DSCC1: variants seen among roughly 807,000 people sequenced by gnomAD.
DSCC1 encodes sister chromatid cohesion protein DCC1.
In DSCC1, 32 loss-of-function variants were observed where a neutral mutation model predicts 48.2. The observed-to-expected ratio is 0.66, with a 90% CI of 0.50 to 0.89. The LOEUF is 0.89. Among genes scored for constraint, DSCC1 ranks in the 40% least tolerant of loss-of-function variants. The probability of loss-of-function intolerance (pLI) is 0.00; values close to 1 mark genes in which losing one functional copy is unlikely to be tolerated. For synonymous variants in DSCC1, 150 were observed against 171.5 expected (o/e 0.87, Z 0.98); for missense variants, 421 against 471.7 (o/e 0.89, Z 1.00).
chr8:119,850,480 T>TTC lies in DSCC1; in HGVS notation c.386_387dup (p.Arg130GlufsTer7). The TTC allele has an allele frequency of 6.3e-7, 1 of 1,588,534 alleles. No homozygotes were observed. Among genetic ancestry groups the TTC allele is most frequent in the Non-Finnish European group, 8.5e-7 (1 of 1,170,526 alleles). ...AGCTTCTTTAACTTGGGTCTACGTCTTCTTAATTCCCAATAATTATTAGAA... is the reference window on the plus strand; with the variant it reads ...AGCTTCTTTAACTTGGGTCTACGTCTTCTCTTAATTCCCAATAATTATTAGAA... On this transcript the variant is annotated frameshift_variant, in exon 3 of 9. Transcript: ENST00000313655. LOFTEE classifies it high-confidence loss of function.
intron 8 of DSCC1, among the ~76,000 whole-genome samples, chr8:119,837,551 G>A (rs781256766): frequency 2.6e-5 from 4 of 152,224 alleles, no homozygotes; most frequent in Non-Finnish European, 5.9e-5. Flanking sequence ...CCTGGTGAGG[G>A]GCCGTTGTAA....
intron 7 of DSCC1, 31 bp from the exon 8 acceptor site, chr8:119,838,438 A>T: frequency 6.5e-7 from 1 of 1,536,688 alleles, no homozygotes; most frequent in Non-Finnish European, 8.7e-7. Context: ...CAGAGCAGTT[A>T]AAGTAATGTT....
intron 2 of DSCC1, among the ~76,000 whole-genome samples, chr8:119,852,170 C>G (rs1461054665): frequency 1.3e-5 from 2 of 152,064 alleles, no homozygotes; most frequent in Non-Finnish European, 2.9e-5. Flanking sequence ...AAGGGCTATG[C>G]TTGGATTGTT....
chr8:119,844,035 C>T (rs1826814330), intron 4 of DSCC1, among the ~76,000 whole-genome samples: 1 of 152,118 alleles, frequency 6.6e-6, no homozygotes, highest in African/African-American at 2.4e-5. Context: ...CCTCAGCCTC[C>T]CAAAGTGCTG....
chr8:119,841,279 A>G lies in DSCC1; in HGVS notation c.924+515T>C, dbSNP rs111778646. Among the ~76,000 whole-genome samples the G allele has an allele frequency of 3.2e-3, 485 of 152,252 alleles. 3 individuals carry two copies. Among genetic ancestry groups the G allele is most frequent in the African/African-American group, 0.011 (455 of 41,554 alleles). On this transcript the variant is annotated intron_variant, in intron 7 of 8. Transcript: ENST00000313655. ...AGTGCTGGGATTACAGGCGTGAGCT[A>G]CCGCACTTGGTCTGACTGGCATTTT...
intron 3 of DSCC1, among the ~76,000 whole-genome samples, chr8:119,849,726 T>C (rs6469854): frequency 0.67 from 102,415 of 152,062 alleles, 35,479 homozygotes; most frequent in African/African-American, 0.83. Context: ...TTCAATTGCA[T>C]ACTTTAAAAC....
At chr8:119,836,498 T>C (rs1192709145) in intron 8 of DSCC1, among the ~76,000 whole-genome samples, 6 of 152,136 alleles carry the variant, frequency 3.9e-5, no homozygotes, top group Admixed American at 2.0e-4. Context: ...GGTTTGCTCA[T>C]AGTTTGAACC....
At chr8:119,845,056 TTTATTTATTTA>T (rs1291058131) in intron 4 of DSCC1, among the ~76,000 whole-genome samples, 4 of 2,650 alleles carry the variant, frequency 1.5e-3, no homozygotes, top group African/African-American at 2.2e-3. Flanking sequence ...TGCCATTTTA[TTTATTTATTTA>T]TTTATTTATT....
chr8:119,846,086 A>C (rs1407400003), intron 4 of DSCC1, among the ~76,000 whole-genome samples: 2 of 152,034 alleles, frequency 1.3e-5, no homozygotes, highest in African/African-American at 4.8e-5. Context: ...TAAAAAATAA[A>C]AGATTAGACT....
At chr8:119,849,321 A>G (rs1279728124) in intron 3 of DSCC1, among the ~76,000 whole-genome samples, 1 of 146,648 alleles carries the variant, frequency 6.8e-6, no homozygotes. Context: ...CAGGAGAATC[A>G]CTTGAACCCA....
chr8:119,842,077 A>T, intron 6 of DSCC1, 129 bp from the exon 7 acceptor site: 3 of 1,079,660 alleles, frequency 2.8e-6, no homozygotes, highest in Non-Finnish European at 3.8e-6. Context: ...ACAACCCCAT[A>T]GTTCGTTTTT....
chr8:119,850,600 C>A lies in DSCC1; in HGVS notation c.352-84G>T. 1.6e-6 allele frequency: 2 copies of A among 1,248,510 alleles called. 1 individual carries two copies. Among genetic ancestry groups the A allele is most frequent in the South Asian group, 3.5e-5 (2 of 56,846 alleles). The allele number at this position is 1,248,510 out of a possible 1,614,324, so 77.3% of individuals were successfully genotyped here. A position where few individuals can be genotyped will look rare whatever the true frequency, so the allele number is the denominator to read the frequency against. ...AAATTACAACTAATCAATCTGCCCC[C>A]TCAACAAGTACAAAGGAAGCTCCAA... is the stretch of plus-strand genomic sequence containing the variant. On this transcript the variant is annotated intron_variant, in intron 2 of 8. Transcript: ENST00000313655.
chr8:119,843,443 C>G (rs982773500), intron 5 of DSCC1, among the ~76,000 whole-genome samples, 166 bp downstream of exon 5: 1 of 152,062 alleles, frequency 6.6e-6, no homozygotes, highest in Non-Finnish European at 1.5e-5. Context: ...ATGTATTCAC[C>G]CCAGTGACCA....
rs1040026951 is a variant in DSCC1 at position 119,842,917 on chromosome 8, A to T, written c.717-89T>A. ...CATTGCCAACTCAAAATTAAGAAAG[A>T]AATTTGAGATTTCAAATACTAAGTG... is the stretch of plus-strand genomic sequence containing the variant. On this transcript the variant is annotated intron_variant, in intron 5 of 8. Coordinates refer to ENST00000313655, the MANE Select transcript of DSCC1 (RefSeq NM_024094.3). 1.5e-4 allele frequency: 159 copies of T among 1,092,296 alleles called. No homozygotes were observed. The Middle Eastern group carries it at 2.7e-3, about 18-fold the overall frequency. The allele number at this position is 1,092,296 out of a possible 1,614,324, so 67.7% of individuals were successfully genotyped here.
intron 3 of DSCC1, among the ~76,000 whole-genome samples, chr8:119,849,057 C>T (rs1485094185): frequency 2.6e-5 from 4 of 151,868 alleles, no homozygotes; most frequent in Admixed American, 6.6e-5. Flanking sequence ...CGGTGGCGGG[C>T]GCCTGTAGTC....
intron 7 of DSCC1, among the ~76,000 whole-genome samples, chr8:119,840,688 G>T (rs1426695412): frequency 6.6e-6 from 1 of 152,118 alleles, no homozygotes; most frequent in Non-Finnish European, 1.5e-5. Flanking sequence ...AAGGTGGGCA[G>T]ATCACCTGAG....
rs754953094 is a variant in DSCC1, at chr8:119,841,941, A to AAG, written c.776_777insCT (p.Tyr260PhefsTer23). 6.2e-7 allele frequency: 1 copy of AAG among 1,613,424 alleles called. No homozygotes were observed. The highest frequency in any genetic ancestry group is 8.5e-7 in the Non-Finnish European group (1 of 1,179,482). ...TTTTATCAGCATCCAACTCAAAATAAACTTCGCCTAAGGAAAAGTTATCAG... is the reference window on the plus strand; with the variant it reads ...TTTTATCAGCATCCAACTCAAAATAAAGACTTCGCCTAAGGAAAAGTTATCAG... On this transcript the variant is annotated frameshift_variant, in exon 7 of 9. Transcript: ENST00000313655. LOFTEE classifies it high-confidence loss of function.
intron 2 of DSCC1, among the ~76,000 whole-genome samples, chr8:119,851,316 AAGG>A (rs1472128084): frequency 1.3e-5 from 2 of 152,204 alleles, no homozygotes; most frequent in African/African-American, 4.8e-5. Flanking sequence ...CTAGAGCCTG[AAGG>A]AGATGTTGCT....
intron 7 of DSCC1, chr8:119,838,935 T>A (rs1019699129): frequency 6.6e-6 from 1 of 152,338 alleles, no homozygotes; most frequent in Non-Finnish European, 1.5e-5. Flanking sequence ...GGTTTCACCA[T>A]GTAGGTTAGG....
Sources: gnomAD v4.1 joint callset for allele counts (sites outside exome capture counted in the v4.1 genomes callset) on GRCh38, gnomAD v4.1.1 for gene constraint, MANE v1.5 for transcripts, NCBI Gene and HGNC (gene_info 2026-07-23, HGNC 2026-07-21) for gene names.